Variants in PRKX observed in about 807,000 individuals in gnomAD.
PRKX encodes cAMP-dependent protein kinase catalytic subunit PRKX.
A neutral mutation model predicts 22.0 loss-of-function variants in PRKX; 12 were observed. That is an observed-to-expected ratio of 0.54 (90% CI 0.35 to 0.88). PRKX has a LOEUF of 0.88. Ranked by LOEUF, PRKX falls within the 40% of genes least tolerant of loss-of-function variation. PRKX has a pLI of 0.01. For synonymous variants in PRKX, 134 were observed against 137.7 expected (o/e 0.97, Z 0.19); for missense variants, 217 against 308.0 (o/e 0.70, Z 2.21).
At chrX:3,686,070 C>A (rs1225635619) in intron 1 of PRKX, among the ~76,000 whole-genome samples, 2 of 111,639 alleles carry the variant, frequency 1.8e-5, no homozygotes, top group Non-Finnish European at 3.8e-5. Flanking sequence ...AAAAAGTAAG[C>A]TTCACAGAAG....
At chrX:3,632,278 A>G (rs775642518) in intron 4 of PRKX, among the ~76,000 whole-genome samples, 7 of 111,468 alleles carry the variant, frequency 6.3e-5, no homozygotes, top group Admixed American at 9.6e-5. Context: ...AACGTACTGA[A>G]AAACCACCCA....
intron 3 of PRKX, among the ~76,000 whole-genome samples, chrX:3,653,738 A>T (rs1290004339): frequency 1.6e-5 from 1 of 63,455 alleles, no homozygotes; most frequent in African/African-American, 6.1e-5. Flanking sequence ...TGATATATAT[A>T]ATATATATAA....
chrX:3,709,165 C>G (rs1245469433), intron 1 of PRKX, among the ~76,000 whole-genome samples: 1 of 68,391 alleles, frequency 1.5e-5, no homozygotes, highest in African/African-American at 6.7e-5. Context: ...GACTGGGCAA[C>G]AGAGTGAGAC....
At chrX:3,617,254 A>T (rs1240711658) in intron 6 of PRKX, among the ~76,000 whole-genome samples, 1 of 110,499 alleles carries the variant, frequency 9.0e-6, no homozygotes, top group African/African-American at 3.3e-5. Flanking sequence ...ACACATATAC[A>T]TATGTACTTT....
Position 3,605,332 on chromosome X carries a change from CAA to C in PRKX, c.*3635_*3636del, listed in dbSNP as rs1429656120. Reference sequence around the variant, plus strand: ...CTGCAAGGACTGTGTAGACCTGATGCAAAGTTAACTGGCTGCAAAAATACAAC... The same window carrying C: ...CTGCAAGGACTGTGTAGACCTGATGCAGTTAACTGGCTGCAAAAATACAAC... On this transcript the variant is annotated 3_prime_UTR_variant, in exon 9 of 9. Transcript: ENST00000262848. 8.9e-6 allele frequency: 1 copy of C among 112,312 alleles called. No homozygotes were observed. Among genetic ancestry groups the C allele is most frequent in the African/African-American group, 3.2e-5 (1 of 30,868 alleles). 9.3% of individuals were successfully genotyped at this position (112,312 alleles called of 1,213,427 possible).
chrX:3,612,449 C>G (rs1449884966), intron 7 of PRKX, 124 bp from the exon 8 acceptor site: 1 of 782,923 alleles, frequency 1.3e-6, no homozygotes, highest in Non-Finnish European at 1.7e-6. Context: ...AACACTAAAG[C>G]TGTCTTCCCT....
intron 7 of PRKX, among the ~76,000 whole-genome samples, chrX:3,614,997 G>GA (rs1926386575): frequency 1.2e-5 from 1 of 85,888 alleles, no homozygotes; most frequent in African/African-American, 4.6e-5. Flanking sequence ...ATTATACATT[G>GA]AAAAAAATGC....
At chrX:3,690,790 T>A (rs1302658427) in intron 1 of PRKX, among the ~76,000 whole-genome samples, 1 of 112,145 alleles carries the variant, frequency 8.9e-6, no homozygotes, top group Non-Finnish European at 1.9e-5. Context: ...AAACAAGAAA[T>A]TCTCATCTTC....
chrX:3,653,519 G>A (rs779304809), intron 3 of PRKX, among the ~76,000 whole-genome samples: 38 of 105,001 alleles, frequency 3.6e-4, no homozygotes, highest in African/African-American at 1.3e-3. Flanking sequence ...CTGTTTTGGG[G>A]TATGTCTGTG....
At chrX:3,673,931 C>T (rs986338616) in intron 2 of PRKX, among the ~76,000 whole-genome samples, 2 of 111,086 alleles carry the variant, frequency 1.8e-5, no homozygotes, top group Admixed American at 9.6e-5. Flanking sequence ...GAAAAGGCGC[C>T]ATCTATGAAC....
At chrX:3,620,905 G>A (rs1032758830) in intron 6 of PRKX, among the ~76,000 whole-genome samples, 9 of 111,434 alleles carry the variant, frequency 8.1e-5, no homozygotes, top group Non-Finnish European at 1.3e-4. Context: ...TAAATGGCAT[G>A]GCGTGTGAAT....
At chrX:3,658,286 C>T (rs934805906) in intron 2 of PRKX, among the ~76,000 whole-genome samples, 1 of 109,446 alleles carries the variant, frequency 9.1e-6, no homozygotes, top group African/African-American at 3.3e-5. Flanking sequence ...CCACCGTGCC[C>T]GGTCTGTTTG....
chrX:3,693,664 G>A (rs989945910), intron 1 of PRKX, among the ~76,000 whole-genome samples: 3 of 111,049 alleles, frequency 2.7e-5, no homozygotes, highest in Non-Finnish European at 3.8e-5. Context: ...GAGGCCGGGC[G>A]CGGTGGCTCA....
intron 4 of PRKX, among the ~76,000 whole-genome samples, chrX:3,637,878 C>T (rs1482657323): frequency 2.4e-4 from 26 of 109,009 alleles, no homozygotes; most frequent in African/African-American, 6.4e-4. Flanking sequence ...AAGCGATTCT[C>T]GTGCCTCAGA....
chrX:3,709,276 G>A (rs988333490), intron 1 of PRKX, among the ~76,000 whole-genome samples: 4 of 110,169 alleles, frequency 3.6e-5, no homozygotes, highest in Non-Finnish European at 5.7e-5. Flanking sequence ...ATTGTCCCAC[G>A]GATATGAAGA....
chrX:3,700,442 C>G (rs760685949), intron 1 of PRKX, among the ~76,000 whole-genome samples: 6 of 112,210 alleles, frequency 5.3e-5, no homozygotes, highest in Non-Finnish European at 9.4e-5. Context: ...AAACAAAAGC[C>G]TTAATACATA....
chrX:3,637,465 G>A (rs1926915256), intron 4 of PRKX, among the ~76,000 whole-genome samples: 1 of 111,345 alleles, frequency 9.0e-6, no homozygotes, highest in African/African-American at 3.3e-5. Flanking sequence ...GAAGGCTTGG[G>A]GTGGTCCAGG....
At chrX:3,633,118 G>A (rs1455955086) in intron 4 of PRKX, among the ~76,000 whole-genome samples, 2 of 110,209 alleles carry the variant, frequency 1.8e-5, no homozygotes, top group African/African-American at 3.3e-5. Flanking sequence ...CAGCCTCTGC[G>A]GTCCCCAGCT....
intron 2 of PRKX, among the ~76,000 whole-genome samples, chrX:3,659,725 T>TG (rs1927553634): frequency 1.2e-4 from 3 of 25,251 alleles, no homozygotes; most frequent in African/African-American, 8.1e-4. Context: ...TTGTTTTTTT[T>TG]TTTGTTTTTT....
Sources: allele counts gnomAD v4.1 joint callset (sites outside exome capture counted in the v4.1 genomes callset), GRCh38; gene constraint gnomAD v4.1.1; transcripts MANE v1.5; gene names NCBI Gene and HGNC (gene_info 2026-07-23, HGNC 2026-07-21).